CST3: variants seen among roughly 807,000 people sequenced by gnomAD.
CST3 encodes the protein cystatin C.
In CST3, 14 loss-of-function variants were observed where a neutral mutation model predicts 9.0. That is an observed-to-expected ratio of 1.56 (90% CI 1.03 to 2.44). CST3 has a LOEUF of 2.44. Among genes scored for constraint, CST3 ranks in the 30% most tolerant of loss-of-function variants. CST3 has a pLI of 0.00. For synonymous variants in CST3, 96 were observed against 90.2 expected, an observed-to-expected ratio of 1.06 and a Z score of -0.37; for missense variants, 237 against 204.3, an observed-to-expected ratio of 1.16 and a Z score of -0.98.
chr20:23,635,498 T>A, intron 1 of CST3, 131 bp from the exon 2 acceptor site: 1 of 785,546 alleles, frequency 1.3e-6, no homozygotes, highest in Non-Finnish European at 2.2e-6. Flanking sequence ...GCTGCCCACA[T>A]TGTCACCTGC....
chr20:23,631,277 C>A (rs778166074), downstream of CST3, among the ~76,000 whole-genome samples: 2 of 151,826 alleles, frequency 1.3e-5, no homozygotes, highest in Non-Finnish European at 2.9e-5. Flanking sequence ...TCAGCTGGAG[C>A]GGCTCTGGGC....
At position 23,635,083 on chromosome 20, in the gene CST3, G is replaced by A. The variant is rs149133032; in HGVS notation, c.357+171C>T. Among the ~76,000 whole-genome samples the A allele has an allele frequency of 1.3e-3, 197 of 151,530 alleles. 1 individual carries two copies. Among genetic ancestry groups the A allele is most frequent in the Non-Finnish European group, 1.5e-3 (103 of 67,918 alleles). ...CACACACCCACTTGCACACACTCAC[G>A]TGCACTTCCCCACACAAACCTATAC... On this transcript the variant is annotated intron_variant, in intron 2 of 2. Coordinates refer to ENST00000376925, the MANE Select transcript of CST3 (RefSeq NM_000099.4).
At position 23,636,605 on chromosome 20, in the gene CST3, C is replaced by T. The variant is rs191183145; in HGVS notation, c.243+1015G>A. On this transcript the variant is annotated intron_variant, in intron 1 of 2. Transcript: ENST00000376925. Reference sequence around the variant, plus strand: ...TCTGCAGGACAAGGTGCCAGGCTCACGTGTGGCCCCTGCGGAGAGTATTCT... The same window carrying T: ...TCTGCAGGACAAGGTGCCAGGCTCATGTGTGGCCCCTGCGGAGAGTATTCT... 2.6e-5 allele frequency among the ~76,000 whole-genome samples: 4 copies of T among 152,242 alleles called. No individual in the cohort carries two copies. The East Asian group carries it at 7.7e-4, about 29-fold the overall frequency.
intron 2 of CST3, among the ~76,000 whole-genome samples, chr20:23,634,788 T>C (rs1299789798): frequency 6.6e-6 from 1 of 152,062 alleles, no homozygotes; most frequent in Non-Finnish European, 1.5e-5. Context: ...CCCGTCTACA[T>C]GCACACACAT....
chr20:23,632,570 G>A (rs1264341972), downstream of CST3, among the ~76,000 whole-genome samples: 2 of 152,168 alleles, frequency 1.3e-5, no homozygotes. Context: ...TCTCCCTGCC[G>A]TGTCCCCTGC....
Position 23,637,840 on chromosome 20 carries a change from G to A in CST3, c.23C>T (p.Pro8Leu). 7 of 1,432,340 alleles carry A rather than the reference G, an allele frequency of 4.9e-6. No individual in the cohort carries two copies. Among genetic ancestry groups the A allele is most frequent in the East Asian group, 2.9e-5 (1 of 34,358 alleles). 88.7% of individuals were successfully genotyped at this position (1,432,340 alleles called of 1,614,324 possible). Residue 8 changes from proline to leucine, a missense_variant, in exon 1 of 3, where the codon CCG becomes CTG. Physicochemically the swap from Pro to Leu is moderately conservative, Grantham distance 98. Transcript: ENST00000376925. MAGPLRAPLLLLAILAVA... is the reference protein window; with the variant it reads MAGPLRALLLLLAILAVA... ...GGCCAGGATGGCCAGCAGGAGCAGC[G>A]GGGCGCGCAGGGGCCCGGCCATGGT...
exon 4 of CST3, chr20:23,628,093 A>T (rs949510113): frequency 1.3e-5 from 2 of 151,796 alleles, no homozygotes; most frequent in African/African-American, 4.8e-5. Flanking sequence ...GGAGGGGATG[A>T]ATTTAATTAG....
chr20:23,627,440 AGTT>A (rs1979293258), exon 4 of CST3: 1 of 152,268 alleles, frequency 6.6e-6, no homozygotes, highest in South Asian at 2.1e-4. Context: ...TCCATTCGTC[AGTT>A]GATGGACATT....
chr20:23,637,773 G>T lies in CST3; in HGVS notation c.90C>A (p.Gly30=). The change falls in exon 1 of 3, where the codon GGC becomes GGA. Residue 30 remains glycine (G), a synonymous_variant. Transcript: ENST00000376925. ...AVSPAAGSSP[G]KPPRLVGGPM... Reference sequence around the variant, plus strand: ...GGCCTCCCACTAGGCGCGGCGGCTTGCCGGGACTGGAGCCGGCCGCGGGGC... The same window carrying T: ...GGCCTCCCACTAGGCGCGGCGGCTTTCCGGGACTGGAGCCGGCCGCGGGGC... The T allele has an allele frequency of 6.5e-7, 1 of 1,529,186 alleles. No homozygotes were observed. The highest frequency in any genetic ancestry group is 8.8e-7 in the Non-Finnish European group (1 of 1,139,308). 94.7% of individuals were successfully genotyped at this position (1,529,186 alleles called of 1,614,324 possible).
chr20:23,629,740 GGGGA>G (rs1432118079), downstream of CST3, among the ~76,000 whole-genome samples: 23 of 98,840 alleles, frequency 2.3e-4, no homozygotes, highest in African/African-American at 6.8e-4. Context: ...CTGGTGGGGG[GGGGA>G]GGGGGTGGAA....
downstream of CST3, chr20:23,629,498 T>TAAC (rs1979370413): frequency 6.6e-6 from 1 of 152,140 alleles, no homozygotes; most frequent in African/African-American, 2.4e-5. Context: ...GATAAATAAA[T>TAAC]AACTGTTGCT....
chr20:23,628,820 C>T (rs1979344203), downstream of CST3: 1 of 152,208 alleles, frequency 6.6e-6, no homozygotes, highest in South Asian at 2.1e-4. Flanking sequence ...CCTCAAACTG[C>T]TGAGCTCACG....
At chr20:23,634,248 C>T (rs1979569657) in intron 2 of CST3, among the ~76,000 whole-genome samples, 1 of 152,166 alleles carries the variant, frequency 6.6e-6, no homozygotes, top group Admixed American at 6.5e-5. Flanking sequence ...AGGATTCCTG[C>T]CCCAGCACAG....
chr20:23,630,821 C>T (rs1600360310), downstream of CST3, among the ~76,000 whole-genome samples: 1 of 148,886 alleles, frequency 6.7e-6, no homozygotes, highest in Non-Finnish European at 1.5e-5. Context: ...GAACTATTAA[C>T]TAGTCTATCA....
At chr20:23,634,348 T>G (rs977075271) in intron 2 of CST3, among the ~76,000 whole-genome samples, 1 of 152,016 alleles carries the variant, frequency 6.6e-6, no homozygotes, top group Non-Finnish European at 1.5e-5. Flanking sequence ...TCCTTCCACC[T>G]CCAGCCCTCA....
chr20:23,637,722 C>A lies in CST3; in HGVS notation c.141G>T (p.Glu47Asp). The A allele has an allele frequency of 6.5e-7, 1 of 1,543,700 alleles. No homozygotes were observed. The highest frequency in any genetic ancestry group is 2.5e-5 in the East Asian group (1 of 39,868). ...CAAAGTCCAGTGCACGCCGCACACC[C>A]TCCTCCTCCACGCTGGCGTCCATGG... ...GGPMDASVEEEGVRRALDFAV... is the reference protein window; with the variant it reads ...GGPMDASVEEDGVRRALDFAV... Residue 47 changes from glutamate to aspartate, a missense_variant, in exon 1 of 3, where the codon GAG becomes GAT. Coordinates refer to ENST00000376925, the MANE Select transcript of CST3 (RefSeq NM_000099.4).
rs1268346797 is a variant in CST3, at chr20:23,637,610, CGGCACGCACCTGCTTGCG to C, written c.235_243+9del. The C allele has an allele frequency of 1.3e-6, 2 of 1,510,918 alleles. No homozygotes were observed. Among genetic ancestry groups the C allele is most frequent in the Admixed American group, 4.3e-5 (2 of 47,034 alleles). 93.6% of individuals were successfully genotyped at this position (1,510,918 alleles called of 1,614,324 possible). A position where few individuals can be genotyped will look rare whatever the true frequency, so the allele number is the denominator to read the frequency against. On this transcript the variant is annotated splice_donor_variant and splice_donor_5th_base_variant and coding_sequence_variant and intron_variant, in exon 1 of 3. Coordinates refer to ENST00000376925, the MANE Select transcript of CST3 (RefSeq NM_000099.4). LOFTEE classifies it high-confidence loss of function. The stretch of plus-strand genomic sequence containing the variant: ...CCGGGGCTTCGGACCCTGCGGGGGG[CGGCACGCACCTGCTTGCG>C]GGCGCGCACCACCTGCAGCGCGCGG...
At chr20:23,630,454 TTTTA>T (rs1339755657), downstream of CST3, among the ~76,000 whole-genome samples, 1 of 152,236 alleles carries the variant, frequency 6.6e-6, no homozygotes, top group Non-Finnish European at 1.5e-5. Flanking sequence ...CTGTTCCCTA[TTTTA>T]GTCACCATTG....
At chr20:23,637,122 C>T (rs1179169934) in intron 1 of CST3, among the ~76,000 whole-genome samples, 1 of 152,222 alleles carries the variant, frequency 6.6e-6, no homozygotes, top group African/African-American at 2.4e-5. Flanking sequence ...GAAAGATCTA[C>T]AGGGATGCCC....
Sources: gnomAD v4.1 joint callset for allele counts (sites outside exome capture counted in the v4.1 genomes callset) on GRCh38, gnomAD v4.1.1 for gene constraint, MANE v1.5 for transcripts, NCBI Gene and HGNC (gene_info 2026-07-23, HGNC 2026-07-21) for gene names.